NKAIN3: variants seen among roughly 807,000 people sequenced by gnomAD.
The protein encoded by NKAIN3 is sodium/potassium-transporting ATPase subunit beta-1-interacting protein 3.
Under a neutral mutation model 30.2 loss-of-function variants are expected in NKAIN3, and 25 were observed. The ratio of observed to expected loss-of-function variants is 0.83; its 90% CI spans 0.60 to 1.16. The LOEUF is 1.16. Ranked by LOEUF, NKAIN3 falls within the 50% of genes most tolerant of loss-of-function variation. NKAIN3 has a pLI of 0.00. For missense variants in NKAIN3, 225 were observed against 254.1 expected, an observed-to-expected ratio of 0.89 and a Z score of 0.78; for synonymous variants, 91 against 89.6, an observed-to-expected ratio of 1.02 and a Z score of -0.09.
chr8:62,485,627 C>T (rs955555388), intron 1 of NKAIN3, among the ~76,000 whole-genome samples: 3 of 152,142 alleles, frequency 2.0e-5, no homozygotes, highest in African/African-American at 7.2e-5. Flanking sequence ...TGCAACACAA[C>T]TTTGTGTCAT....
At chr8:62,786,108 A>C (rs749864032) in intron 4 of NKAIN3, among the ~76,000 whole-genome samples, 2 of 152,096 alleles carry the variant, frequency 1.3e-5, no homozygotes, top group African/African-American at 2.4e-5. Context: ...TGCTCAATTC[A>C]AGTGCTCCCA....
At chr8:62,294,628 A>T (rs73683084) in intron 1 of NKAIN3, among the ~76,000 whole-genome samples, 5,342 of 152,154 alleles carry the variant, frequency 0.035, 342 homozygotes, top group African/African-American at 0.12. Context: ...GTTCACTTTC[A>T]GACTCAACCT....
chr8:62,863,936 C>G, intron 4 of NKAIN3: 1 of 1,051,070 alleles, frequency 9.5e-7, no homozygotes, highest in Non-Finnish European at 1.5e-6. Flanking sequence ...GGTGTGGGGT[C>G]TGCCAAAGGT....
Position 62,940,931 on chromosome 8 carries a change from A to T in NKAIN3, c.533-12971A>T, listed in dbSNP as rs150094091. Among the ~76,000 whole-genome samples the T allele has an allele frequency of 2.0e-5, 3 of 150,272 alleles. No homozygotes were observed. In the East Asian group the frequency reaches 5.9e-4, roughly 29 times the overall value. ...CAATGATCAGAGCAGAACCAAATAT[A>T]TTGAAAAAAAAAAATACAAAAGATA... On this transcript the variant is annotated intron_variant, in intron 5 of 6. Coordinates refer to ENST00000623646, the MANE Select transcript of NKAIN3 (RefSeq NM_001304533.3).
chr8:62,433,625 T>C (rs1805083108), intron 1 of NKAIN3, among the ~76,000 whole-genome samples: 1 of 152,150 alleles, frequency 6.6e-6, no homozygotes. Flanking sequence ...CCTAAGCAAG[T>C]TCTGTGTCCA....
intron 4 of NKAIN3, among the ~76,000 whole-genome samples, chr8:62,866,515 A>G (rs1490050395): frequency 6.6e-6 from 1 of 152,228 alleles, no homozygotes; most frequent in East Asian, 1.9e-4. Context: ...AATCCAAGAC[A>G]CAAACCACAG....
intron 4 of NKAIN3, among the ~76,000 whole-genome samples, chr8:62,759,715 CT>C (rs773872420): frequency 2.0e-5 from 2 of 98,892 alleles, no homozygotes; most frequent in South Asian, 4.4e-4. Flanking sequence ...TGGGCAAGGA[CT>C]TCATGTCTAA....
intron 1 of NKAIN3, among the ~76,000 whole-genome samples, chr8:62,432,162 C>A (rs546153552): frequency 2.0e-5 from 3 of 151,966 alleles, no homozygotes; most frequent in South Asian, 2.1e-4. Context: ...ACAAAAAGGT[C>A]TCTGATGTTA....
rs1180463211 is a variant in NKAIN3 at position 62,579,609 on chromosome 8, T to C, written c.125T>C (p.Leu42Pro). The C allele has an allele frequency of 1.9e-6, 3 of 1,610,092 alleles. No individual in the cohort carries two copies. Among genetic ancestry groups the C allele is most frequent in the Admixed American group, 3.3e-5 (2 of 59,876 alleles). ...TGGGCGCCTATTCTTGGAAATTTTCTACACATAATAGTTGTCATATTGGGT... is the reference window on the plus strand; with the variant it reads ...TGGGCGCCTATTCTTGGAAATTTTCCACACATAATAGTTGTCATATTGGGT... ...FQWAPILGNF[L>P]HIIVVILGLF... The change falls in exon 2 of 7, where the codon CTA becomes CCA. Residue 42 changes from leucine (L) to proline (P), a missense_variant. Physicochemically the swap from Leu to Pro is moderately conservative, Grantham distance 98. Coordinates refer to ENST00000623646, the MANE Select transcript of NKAIN3 (RefSeq NM_001304533.3).
intron 1 of NKAIN3, among the ~76,000 whole-genome samples, chr8:62,281,659 T>C (rs765158560): frequency 5.3e-5 from 8 of 152,204 alleles, no homozygotes; most frequent in Non-Finnish European, 1.0e-4. Context: ...GAGCAGGTTG[T>C]TCAGTTTCCA....
chr8:62,538,426 C>T (rs760339022), intron 1 of NKAIN3, among the ~76,000 whole-genome samples: 3 of 152,142 alleles, frequency 2.0e-5, no homozygotes, highest in Admixed American at 2.0e-4. Flanking sequence ...TCCCCCACCT[C>T]GGCCTCCCAA....
intron 1 of NKAIN3, among the ~76,000 whole-genome samples, chr8:62,404,126 G>C (rs1803981222): frequency 1.3e-5 from 2 of 152,232 alleles, no homozygotes; most frequent in African/African-American, 4.8e-5. Flanking sequence ...ATCACATTTA[G>C]AATAGGTGTA....
chr8:62,806,084 C>A (rs1223969585), intron 4 of NKAIN3, among the ~76,000 whole-genome samples: 1 of 152,160 alleles, frequency 6.6e-6, no homozygotes. Flanking sequence ...CAGAGAAATG[C>A]AAATCAAAAC....
chr8:62,782,088 T>A (rs913613658), intron 4 of NKAIN3, among the ~76,000 whole-genome samples: 2 of 151,084 alleles, frequency 1.3e-5, no homozygotes, highest in African/African-American at 2.4e-5. Flanking sequence ...CAGGAAAAAA[T>A]TCTCATTAAA....
intron 3 of NKAIN3, among the ~76,000 whole-genome samples, chr8:62,707,906 G>A (rs1215752145): frequency 6.6e-6 from 1 of 152,116 alleles, no homozygotes; most frequent in African/African-American, 2.4e-5. Flanking sequence ...TTTTGTATAA[G>A]CTGAGAAATG....
At chr8:62,889,075 T>G (rs1821226722) in intron 4 of NKAIN3, among the ~76,000 whole-genome samples, 1 of 152,164 alleles carries the variant, frequency 6.6e-6, no homozygotes, top group African/African-American at 2.4e-5. Context: ...AAATTCAAAA[T>G]TTTATTGAAC....
chr8:62,537,802 T>C (rs917855429), intron 1 of NKAIN3, among the ~76,000 whole-genome samples: 1 of 152,184 alleles, frequency 6.6e-6, no homozygotes, highest in Non-Finnish European at 1.5e-5. Flanking sequence ...ATGGAGCTGG[T>C]GACTCAAAGT....
chr8:62,936,511 A>T (rs907014637), intron 5 of NKAIN3, among the ~76,000 whole-genome samples: 2 of 152,148 alleles, frequency 1.3e-5, no homozygotes, highest in African/African-American at 4.8e-5. Flanking sequence ...CATATACAGA[A>T]GGAAATTCCA....
intron 4 of NKAIN3, among the ~76,000 whole-genome samples, chr8:62,759,538 A>G (rs534280915): frequency 1.3e-5 from 2 of 152,302 alleles, no homozygotes; most frequent in Admixed American, 1.3e-4. Context: ...AACTAGAGAG[A>G]CTTATCAGAC....
Sources: gnomAD v4.1 joint callset for allele counts (sites outside exome capture counted in the v4.1 genomes callset) on GRCh38, gnomAD v4.1.1 for gene constraint, MANE v1.5 for transcripts, NCBI Gene and HGNC (gene_info 2026-07-23, HGNC 2026-07-21) for gene names.